PLPP4: variants seen among roughly 807,000 people sequenced by gnomAD.
PLPP4 encodes the protein phospholipid phosphatase 4.
A neutral mutation model predicts 32.2 loss-of-function variants in PLPP4; 20 were observed. The ratio of observed to expected loss-of-function variants is 0.62; its 90% CI spans 0.44 to 0.90. The LOEUF (loss-of-function observed/expected upper bound fraction) is 0.90. PLPP4 is among the 40% of genes least tolerant of loss of function. The probability of loss-of-function intolerance (pLI) is 0.00; values close to 1 mark genes in which losing one functional copy is unlikely to be tolerated. For missense variants in PLPP4, 257 were observed against 353.1 expected (o/e 0.73, Z 2.18); for synonymous variants, 127 against 133.0 (o/e 0.95, Z 0.31).
intron 5 of PLPP4, among the ~76,000 whole-genome samples, chr10:120,551,452 A>G (rs150982050): frequency 3.9e-5 from 6 of 152,322 alleles, no homozygotes; most frequent in Admixed American, 3.9e-4. Context: ...TTTATTCCTA[A>G]TGATCCCAAA....
intron 5 of PLPP4, among the ~76,000 whole-genome samples, chr10:120,549,874 A>G (rs139733175): frequency 1.3e-4 from 20 of 152,162 alleles, no homozygotes; most frequent in Admixed American, 2.6e-4. Flanking sequence ...GCTTGATGCT[A>G]ACTTCATACT....
At chr10:120,529,620 G>A (rs1239214059) in intron 5 of PLPP4, among the ~76,000 whole-genome samples, 1 of 152,166 alleles carries the variant, frequency 6.6e-6, no homozygotes, top group Non-Finnish European at 1.5e-5. Context: ...GCTGAGGTAG[G>A]AGGACCACTT....
At chr10:120,466,739 C>T (rs1848337574) in intron 1 of PLPP4, among the ~76,000 whole-genome samples, 1 of 138,022 alleles carries the variant, frequency 7.2e-6, no homozygotes, top group Non-Finnish European at 1.6e-5. Flanking sequence ...GCACCTGAGC[C>T]TCCTCGTCTG....
At chr10:120,562,898 A>G (rs966656617) in intron 5 of PLPP4, among the ~76,000 whole-genome samples, 3 of 152,200 alleles carry the variant, frequency 2.0e-5, no homozygotes, top group Non-Finnish European at 4.4e-5. Flanking sequence ...GATGTACAAA[A>G]TAGAAATATG....
At chr10:120,479,158 A>G (rs1025850092) in intron 1 of PLPP4, among the ~76,000 whole-genome samples, 7 of 152,092 alleles carry the variant, frequency 4.6e-5, no homozygotes, top group Non-Finnish European at 1.0e-4. Context: ...CCCGGGAGGT[A>G]GAGCTTGCAG....
At chr10:120,495,563 A>T (rs1844922944) in intron 1 of PLPP4, among the ~76,000 whole-genome samples, 1 of 152,164 alleles carries the variant, frequency 6.6e-6, no homozygotes, top group Non-Finnish European at 1.5e-5. Context: ...TAGTGCAGTG[A>T]GGAAATATGC....
chr10:120,563,806 C>CAAAAA lies in PLPP4; in HGVS notation c.446-11298_446-11294dup, dbSNP rs139746974. 8.1e-4 allele frequency among the ~76,000 whole-genome samples: 70 copies of CAAAAA among 86,452 alleles called. 2 individuals carry two copies. The highest frequency in any genetic ancestry group is 2.4e-3 in the African/African-American group (48 of 19,898). The allele number at this position is 86,452 out of a possible 152,430, so 56.7% of individuals were successfully genotyped here. The stretch of plus-strand genomic sequence containing the variant: ...TGGGCGACAGAGCGAGACTCCGTCT[C>CAAAAA]AAAAAAAAAAAAAAAAAAAAAAAAA... On this transcript the variant is annotated intron_variant, in intron 5 of 6. Coordinates refer to ENST00000398250, the MANE Select transcript of PLPP4 (RefSeq NM_001030059.3).
intron 2 of PLPP4, among the ~76,000 whole-genome samples, chr10:120,506,953 A>G (rs17100285): frequency 0.043 from 6,522 of 152,292 alleles, 192 homozygotes; most frequent in Middle Eastern, 0.14. Context: ...CTTGCTTAAC[A>G]TTTCTGGGAT....
intron 3 of PLPP4, among the ~76,000 whole-genome samples, chr10:120,518,079 A>G (rs1846004868): frequency 6.6e-6 from 1 of 152,182 alleles, no homozygotes; most frequent in Non-Finnish European, 1.5e-5. Flanking sequence ...AAACCACAGG[A>G]GAGAGGTACA....
intron 6 of PLPP4, among the ~76,000 whole-genome samples, chr10:120,587,051 G>C (rs1025083450): frequency 5.3e-5 from 8 of 152,120 alleles, no homozygotes; most frequent in Non-Finnish European, 1.2e-4. Flanking sequence ...AATTGATTAG[G>C]GGAAGGCATG....
chr10:120,499,408 C>CT (rs765911858), intron 1 of PLPP4, among the ~76,000 whole-genome samples: 5,762 of 142,414 alleles, frequency 0.04, 128 homozygotes, highest in African/African-American at 0.069. Flanking sequence ...TTTTGCCATG[C>CT]TTTTTTTTTT....
intron 5 of PLPP4, among the ~76,000 whole-genome samples, chr10:120,534,603 T>C (rs1227335017): frequency 6.6e-6 from 1 of 152,142 alleles, no homozygotes; most frequent in Non-Finnish European, 1.5e-5. Context: ...CTTAAATGTG[T>C]CCTATATTTC....
chr10:120,511,031 T>C (rs1845705738), intron 2 of PLPP4, among the ~76,000 whole-genome samples: 1 of 152,200 alleles, frequency 6.6e-6, no homozygotes, highest in Non-Finnish European at 1.5e-5. Flanking sequence ...ATGGGGAGCC[T>C]TGGGCCCTCC....
intron 5 of PLPP4, among the ~76,000 whole-genome samples, chr10:120,559,394 T>G (rs978107598): frequency 5.9e-5 from 9 of 152,138 alleles, no homozygotes; most frequent in African/African-American, 2.2e-4. Context: ...TCTTTTATTT[T>G]ATAATCCTTA....
chr10:120,518,940 T>C, intron 4 of PLPP4, 44 bp downstream of exon 4: 1 of 1,533,558 alleles, frequency 6.5e-7, no homozygotes, highest in South Asian at 1.2e-5. Context: ...ACTATCAAGG[T>C]CATCTATATA....
Position 120,591,157 on chromosome 10 carries a change from G to A in PLPP4, c.*1655G>A, listed in dbSNP as rs1159576713. On this transcript the variant is annotated 3_prime_UTR_variant, in exon 7 of 7. Transcript: ENST00000398250. ...TAAATGGTCAGCTTATCAGCCCTGG[G>A]CTGCGTGTGCAAGTTAGAAGCATCA... is the stretch of plus-strand genomic sequence containing the variant. Among the ~76,000 whole-genome samples, 1 of 152,148 alleles carries A rather than the reference G, an allele frequency of 6.6e-6. No homozygotes were observed. Among genetic ancestry groups the A allele is most frequent in the Admixed American group, 6.5e-5 (1 of 15,274 alleles).
intron 6 of PLPP4, chr10:120,587,619 T>C (rs1849822374): frequency 6.6e-6 from 1 of 152,176 alleles, no homozygotes; most frequent in Admixed American, 6.5e-5. Context: ...GAAAATATTG[T>C]CCCCGTCCTC....
At chr10:120,544,809 G>A (rs1847533828) in intron 5 of PLPP4, among the ~76,000 whole-genome samples, 1 of 152,202 alleles carries the variant, frequency 6.6e-6, no homozygotes, top group African/African-American at 2.4e-5. Context: ...ACTGGCAGGA[G>A]GGCCCATTGG....
intron 5 of PLPP4, among the ~76,000 whole-genome samples, chr10:120,540,522 A>G (rs1054603308): frequency 2.0e-5 from 3 of 152,196 alleles, no homozygotes; most frequent in African/African-American, 7.2e-5. Flanking sequence ...GTGAGCCCAT[A>G]CAATGCCTTA....
Sources: allele counts gnomAD v4.1 joint callset (sites outside exome capture counted in the v4.1 genomes callset), GRCh38; gene constraint gnomAD v4.1.1; transcripts MANE v1.5; gene names NCBI Gene and HGNC (gene_info 2026-07-23, HGNC 2026-07-21).